Variants in PDE9A observed in about 807,000 individuals in gnomAD.
The protein encoded by PDE9A is high affinity cGMP-specific 3',5'-cyclic phosphodiesterase 9A.
Under a neutral mutation model 87.4 loss-of-function variants are expected in PDE9A, and 60 were observed. The observed-to-expected ratio is 0.69, with a 90% CI of 0.56 to 0.85. PDE9A has a LOEUF of 0.85. Among genes scored for constraint, PDE9A ranks in the 40% least tolerant of loss-of-function variants. PDE9A has a pLI of 0.00. For missense variants in PDE9A, 665 were observed against 779.0 expected, an observed-to-expected ratio of 0.85 and a Z score of 1.74; for synonymous variants, 272 against 279.4, an observed-to-expected ratio of 0.97 and a Z score of 0.27.
At chr21:42,697,437 T>A (rs1602115991) in intron 3 of PDE9A, 1 of 1,611,902 alleles carries the variant, frequency 6.2e-7, no homozygotes, top group Non-Finnish European at 8.5e-7. Flanking sequence ...TCTCTATACA[T>A]CACTCCGTAA....
At chr21:42,769,248 TACAC>T in intron 17 of PDE9A, 93 bp downstream of exon 17, 9 of 1,198,782 alleles carry the variant, frequency 7.5e-6, no homozygotes, top group East Asian at 2.5e-5. Context: ...TGCACACAGG[TACAC>T]ACAGACACAC....
rs370813633 is a variant in PDE9A at position 42,690,793 on chromosome 21, C to A, written c.218+2799C>A. On this transcript the variant is annotated intron_variant, in intron 3 of 19. Transcript: ENST00000291539. Reference sequence around the variant, plus strand: ...CTGCCAACTTATGCCTCACCAACTTCTCCAACTTACCCCTGTACCCACGCC... The same window carrying A: ...CTGCCAACTTATGCCTCACCAACTTATCCAACTTACCCCTGTACCCACGCC... Among the ~76,000 whole-genome samples the A allele has an allele frequency of 4.2e-4, 64 of 152,264 alleles. 1 individual carries two copies. Among genetic ancestry groups the A allele is most frequent in the African/African-American group, 1.5e-3 (63 of 41,530 alleles).
At chr21:42,775,234 C>A in intron 19 of PDE9A, 46 bp from the exon 20 acceptor site, 1 of 1,607,104 alleles carries the variant, frequency 6.2e-7, no homozygotes, top group South Asian at 1.1e-5. Context: ...GCCACCGCGC[C>A]CTAATTCTAA....
chr21:42,731,636 G>A (rs1231721878), intron 4 of PDE9A, 134 bp from the exon 5 acceptor site: 15 of 921,878 alleles, frequency 1.6e-5, no homozygotes, highest in East Asian at 7.3e-5. Flanking sequence ...CAGACCCGCC[G>A]TGAGAACACC....
At position 42,703,764 on chromosome 21, in the gene PDE9A, C is replaced by A. The variant is rs572560390; in HGVS notation, c.262+4753C>A. ...GCACCCAGTGGCTGAGAGATCGTTG[C>A]CCTCTGCAGCCCTCCTGCAACTTGG... On this transcript the variant is annotated intron_variant, in intron 4 of 19. Transcript: ENST00000291539. Among the ~76,000 whole-genome samples the A allele has an allele frequency of 5.9e-5, 9 of 152,332 alleles. No individual in the cohort carries two copies. The South Asian group carries it at 1.9e-3, about 32-fold the overall frequency.
chr21:42,686,369 C>A, intron 2 of PDE9A, 107 bp downstream of exon 2: 1 of 859,502 alleles, frequency 1.2e-6, no homozygotes, highest in Non-Finnish European at 1.9e-6. Context: ...GAGGCACCGG[C>A]CTTCTACAAG....
At chr21:42,698,709 G>T (rs1439038437) in intron 3 of PDE9A, among the ~76,000 whole-genome samples, 2 of 152,156 alleles carry the variant, frequency 1.3e-5, no homozygotes, top group Non-Finnish European at 2.9e-5. Flanking sequence ...GTGATCGGCA[G>T]TAGTACCCAT....
chr21:42,698,143 T>C (rs924657651), intron 3 of PDE9A, among the ~76,000 whole-genome samples: 2 of 152,182 alleles, frequency 1.3e-5, no homozygotes, highest in Non-Finnish European at 2.9e-5. Flanking sequence ...AGACAAAGGA[T>C]TTTAACTGGT....
chr21:42,775,325 C>G lies in PDE9A; in HGVS notation c.*32C>G. On this transcript the variant is annotated 3_prime_UTR_variant, in exon 20 of 20. Transcript: ENST00000291539. Reference sequence around the variant, plus strand: ...CGGGGGGCGTGGCTGCAGTTCTGGACGGGCTGGCCGAGCTGCGCGGGATCC... The same window carrying G: ...CGGGGGGCGTGGCTGCAGTTCTGGAGGGGCTGGCCGAGCTGCGCGGGATCC... 2 of 1,605,294 alleles carry G rather than the reference C, an allele frequency of 1.2e-6. No homozygotes were observed. The highest frequency in any genetic ancestry group is 2.3e-5 in the East Asian group (1 of 44,294).
chr21:42,772,930 C>T (rs1602615652), intron 19 of PDE9A, among the ~76,000 whole-genome samples: 1 of 151,066 alleles, frequency 6.6e-6, no homozygotes, highest in East Asian at 2.0e-4. Context: ...TTGCGCCTGA[C>T]CAAATGAATG....
intron 4 of PDE9A, among the ~76,000 whole-genome samples, chr21:42,730,292 G>A (rs985889100): frequency 6.6e-6 from 1 of 152,128 alleles, no homozygotes; most frequent in East Asian, 1.9e-4. Context: ...GTACCTTCAA[G>A]AAATATAACA....
chr21:42,750,832 G>A lies in PDE9A; in HGVS notation c.654-284G>A, dbSNP rs943167515. 2.1e-4 allele frequency among the ~76,000 whole-genome samples: 32 copies of A among 152,000 alleles called. 1 individual carries two copies. Among genetic ancestry groups the A allele is most frequent in the Non-Finnish European group, 3.5e-4 (24 of 68,000 alleles). ...GATCTCCTGACCTCATGATCATCCC[G>A]CCTCGACTTCCCAAAGTGCTGGGAT... On this transcript the variant is annotated intron_variant, in intron 8 of 19. Transcript: ENST00000291539.
chr21:42,702,507 C>T lies in PDE9A; in HGVS notation c.262+3496C>T, dbSNP rs1362489464. Among the ~76,000 whole-genome samples, 2 of 152,102 alleles carry T rather than the reference C, an allele frequency of 1.3e-5. No individual in the cohort carries two copies. The highest frequency in any genetic ancestry group is 4.8e-5 in the African/African-American group (2 of 41,414). On this transcript the variant is annotated intron_variant, in intron 4 of 19. Coordinates refer to ENST00000291539, the MANE Select transcript of PDE9A (RefSeq NM_002606.3). The surrounding 1 kb of genome is among the most constrained non-coding windows in gnomAD (Gnocchi z 4.9). ...GGGTATGGGTCATATTTTTCTGATT[C>T]TCGTGAATCTAGTAGATCTTGATGG...
chr21:42,674,916 C>G (rs1210729215), intron 1 of PDE9A, among the ~76,000 whole-genome samples: 1 of 152,216 alleles, frequency 6.6e-6, no homozygotes, highest in African/African-American at 2.4e-5. Flanking sequence ...AATTTCTAAG[C>G]TCAGCTTCCA....
intron 18 of PDE9A, among the ~76,000 whole-genome samples, chr21:42,771,389 C>A (rs2057013473): frequency 6.6e-6 from 1 of 152,238 alleles, no homozygotes; most frequent in South Asian, 2.1e-4. Flanking sequence ...CTACGGATTC[C>A]CCACGGCTGT....
At position 42,762,092 on chromosome 21, in the gene PDE9A, C is replaced by T. The variant is rs575948139; in HGVS notation, c.1095C>T (p.Ile365=). Residue 365 remains isoleucine, a synonymous_variant, in exon 14 of 20, where the codon ATC becomes ATT. Transcript: ENST00000291539. ...TCTCCTTGCCTCCCAGGTACCAGAT[C>T]AATGCCCGCACAGAGCTGGCGGTCC... ...DHPGYNNTYQ[I]NARTELAVRY... is the part of the protein sequence containing the mutation. 30 of 1,613,632 alleles carry T rather than the reference C, an allele frequency of 1.9e-5. No homozygotes were observed. The East Asian group carries it at 6.2e-4, about 34-fold the overall frequency.
chr21:42,775,015 C>A (rs568747852), intron 19 of PDE9A, among the ~76,000 whole-genome samples: 127 of 151,264 alleles, frequency 8.4e-4, no homozygotes, highest in African/African-American at 2.9e-3. Flanking sequence ...AATCTCGGCT[C>A]ACTGCAATCT....
chr21:42,750,318 T>C (rs1424140896), intron 8 of PDE9A, among the ~76,000 whole-genome samples: 1 of 152,126 alleles, frequency 6.6e-6, no homozygotes, highest in African/African-American at 2.4e-5. Flanking sequence ...AATTAAAATA[T>C]TGTTAAAAGG....
At chr21:42,756,254 T>G (rs1174143689) in intron 10 of PDE9A, among the ~76,000 whole-genome samples, 3 of 152,192 alleles carry the variant, frequency 2.0e-5, no homozygotes, top group South Asian at 2.1e-4. Flanking sequence ...GACAGGAGCC[T>G]TGGCCTCTGG....
Sources: gnomAD v4.1 joint callset for allele counts (sites outside exome capture counted in the v4.1 genomes callset) on GRCh38, gnomAD v4.1.1 for gene constraint, Gnocchi (gnomAD v3.1) non-coding constraint, MANE v1.5 for transcripts, NCBI Gene and HGNC (gene_info 2026-07-23, HGNC 2026-07-21) for gene names.